Variants in DYRK4 observed in about 807,000 individuals in gnomAD.
DYRK4 encodes dual specificity tyrosine-phosphorylation-regulated kinase 4.
In DYRK4, 64 loss-of-function variants were observed where a neutral mutation model predicts 68.3. The ratio of observed to expected loss-of-function variants is 0.94; its 90% CI spans 0.77 to 1.15. The LOEUF (loss-of-function observed/expected upper bound fraction) is 1.15. DYRK4 is among the 50% of genes most tolerant of loss of function. The pLI is 0.00. For missense variants in DYRK4, 740 were observed against 764.7 expected (o/e 0.97, Z 0.38); for synonymous variants, 274 against 289.9 (o/e 0.95, Z 0.56).
intron 2 of DYRK4, among the ~76,000 whole-genome samples, chr12:4,579,878 A>C (rs868772221): frequency 1.1e-4 from 16 of 151,622 alleles, no homozygotes; most frequent in Non-Finnish European, 5.9e-5. Context: ...GTTTCCTGGC[A>C]GAACACAAAG....
chr12:4,590,220 G>C, intron 3 of DYRK4, 110 bp from the exon 4 acceptor site: 1 of 1,446,082 alleles, frequency 6.9e-7, no homozygotes, highest in South Asian at 1.5e-5. Context: ...CCAGATTGGG[G>C]TTAGGCTCAT....
At chr12:4,612,509 A>C (rs71459914) in intron 13 of DYRK4, 34 bp from the exon 14 acceptor site, 1 of 1,578,298 alleles carries the variant, frequency 6.3e-7, no homozygotes, top group Non-Finnish European at 8.6e-7. Flanking sequence ...AGGAAATAAA[A>C]CAATAACCCA....
In DYRK4 at chr12:4,612,722, C is replaced by T; in HGVS notation, c.1666+4C>T. 1 of 1,614,074 alleles carries T rather than the reference C, an allele frequency of 6.2e-7. No homozygotes were observed. The highest frequency in any genetic ancestry group is 8.5e-7 in the Non-Finnish European group (1 of 1,179,934). ...TGTCATCACTCGAGCAGAAAAGGTA[C>T]AGCCTGTCAAATAACCAGTCCTAGT... On this transcript the variant is annotated splice_donor_region_variant and intron_variant, in intron 14 of 14. Transcript: ENST00000543431.
Position 4,591,945 on chromosome 12 carries a change from G to A in DYRK4, c.463+647G>A, listed in dbSNP as rs1288210498. 1 of 152,216 alleles carries A rather than the reference G, an allele frequency of 6.6e-6. No individual in the cohort carries two copies. Among genetic ancestry groups the A allele is most frequent in the Admixed American group, 6.5e-5 (1 of 15,274 alleles). The allele number at this position is 152,216 out of a possible 1,614,324, so 9.4% of individuals were successfully genotyped here. A position where few individuals can be genotyped will look rare whatever the true frequency, so the allele number is the denominator to read the frequency against. On this transcript the variant is annotated intron_variant, in intron 5 of 14. Coordinates refer to ENST00000543431, the MANE Select transcript of DYRK4 (RefSeq NM_001394779.1). This position sits in a 1 kb window ranked among gnomAD's most constrained non-coding sequence, Gnocchi z 4.1. The stretch of plus-strand genomic sequence containing the variant: ...TGGTCAGGCCTGAAAGATTACACAT[G>A]GGTTTTTGGCCAGTAGCTAGACTTT...
At chr12:4,593,914 G>A (rs142077470) in intron 6 of DYRK4, among the ~76,000 whole-genome samples, 176 of 152,304 alleles carry the variant, frequency 1.2e-3, no homozygotes, top group African/African-American at 4.0e-3. Context: ...TTAGGGCTGT[G>A]TTTGTCTAGC....
In DYRK4 at chr12:4,591,006, A is replaced by G; in HGVS notation, c.325-154A>G. The G allele has an allele frequency of 1.2e-6, 1 of 839,374 alleles. No individual in the cohort carries two copies. The allele number at this position is 839,374 out of a possible 1,614,324, so 52.0% of individuals were successfully genotyped here. A position where few individuals can be genotyped will look rare whatever the true frequency, so the allele number is the denominator to read the frequency against. On this transcript the variant is annotated intron_variant, in intron 4 of 14. Transcript: ENST00000543431. This position sits in a 1 kb window ranked among gnomAD's most constrained non-coding sequence, Gnocchi z 4.1. ...CAGATGCTTCCTTTGGGAGAGAGGT[A>G]GGGAGAACCTTCTGTCTCTTAATCG...
intron 2 of DYRK4, among the ~76,000 whole-genome samples, chr12:4,579,606 AACAT>A (rs1591790593): frequency 6.6e-6 from 1 of 152,234 alleles, no homozygotes; most frequent in East Asian, 1.9e-4. Context: ...CAGAAGAAAT[AACAT>A]ATACAAAAGC....
chr12:4,592,695 G>C, intron 5 of DYRK4: 1 of 245,890 alleles, frequency 4.1e-6, no homozygotes, highest in Non-Finnish European at 7.8e-6. Flanking sequence ...ATATACTATT[G>C]TCGACACTAA....
Position 4,591,396 on chromosome 12 carries a change from C to T in DYRK4, c.463+98C>T. 6.7e-7 allele frequency: 1 copy of T among 1,486,082 alleles called. No individual in the cohort carries two copies. The highest frequency in any genetic ancestry group is 9.0e-7 in the Non-Finnish European group (1 of 1,112,986). The allele number at this position is 1,486,082 out of a possible 1,614,324, so 92.1% of individuals were successfully genotyped here. ...TGGAGTGAGCTAAGCTGCCAGGTGT[C>T]AGAGTAGTCAAAGAAGGCAGCCAGC... On this transcript the variant is annotated intron_variant, in intron 5 of 14. Transcript: ENST00000543431. This position sits in a 1 kb window ranked among gnomAD's most constrained non-coding sequence, Gnocchi z 4.1.
chr12:4,604,824 C>T (rs1301111583), intron 10 of DYRK4, 90 bp from the exon 11 acceptor site: 17 of 1,413,600 alleles, frequency 1.2e-5, no homozygotes, highest in Middle Eastern at 2.0e-4. Context: ...CCAGCGGGGG[C>T]GCAGTCTAAC....
At chr12:4,580,746 T>C in intron 2 of DYRK4, 1 of 445,826 alleles carries the variant, frequency 2.2e-6, no homozygotes, top group South Asian at 1.6e-5. Context: ...TGTGAGCTGA[T>C]ATCACAGAAG....
At chr12:4,575,820 A>ATG (rs1944783668) in intron 2 of DYRK4, among the ~76,000 whole-genome samples, 1 of 152,064 alleles carries the variant, frequency 6.6e-6, no homozygotes, top group Admixed American at 6.5e-5. Context: ...TGTCAGTTGT[A>ATG]TGTGCTGCAA....
chr12:4,567,266 CTT>C (rs1400514725), intron 1 of DYRK4: 1 of 152,166 alleles, frequency 6.6e-6, no homozygotes, highest in Non-Finnish European at 1.5e-5. Context: ...CTGTTCTGCC[CTT>C]GTTTCTTGTA....
At chr12:4,610,000 CTGAG>C (rs1019117813) in intron 12 of DYRK4, 151 bp from the exon 13 acceptor site, 6 of 426,920 alleles carry the variant, frequency 1.4e-5, no homozygotes, top group African/African-American at 1.1e-4. Context: ...TTATTTCAAA[CTGAG>C]TGTGTGTGTG....
intron 6 of DYRK4, among the ~76,000 whole-genome samples, chr12:4,594,758 G>A (rs1224404199): frequency 6.6e-6 from 1 of 150,530 alleles, no homozygotes; most frequent in Non-Finnish European, 1.5e-5. Flanking sequence ...GACAATGTGT[G>A]TTCTCCGTAA....
rs35874260 is a variant in DYRK4, at chr12:4,575,299, C to CTGTG, written c.132+7271_132+7274dup. Among the ~76,000 whole-genome samples the CTGTG allele has an allele frequency of 5.3e-3, 796 of 148,960 alleles. 12 individuals are homozygous for CTGTG. Among genetic ancestry groups the CTGTG allele is most frequent in the African/African-American group, 0.018 (714 of 40,538 alleles). On this transcript the variant is annotated intron_variant, in intron 2 of 14. Transcript: ENST00000543431. The stretch of plus-strand genomic sequence containing the variant: ...TTGCCAATTTACTAACAATAACTTA[C>CTGTG]TGTGTGTGTGTGTGTGTGTGTGTTT...
chr12:4,598,219 A>G (rs1447430689), intron 8 of DYRK4, among the ~76,000 whole-genome samples: 1 of 152,178 alleles, frequency 6.6e-6, no homozygotes, highest in African/African-American at 2.4e-5. Context: ...CTAAAAAAAC[A>G]TTAAGAATGA....
At chr12:4,564,887 TA>T (rs1164365207) in intron 1 of DYRK4, among the ~76,000 whole-genome samples, 1 of 152,136 alleles carries the variant, frequency 6.6e-6, no homozygotes, top group East Asian at 1.9e-4. Context: ...AGACAAAAAA[TA>T]TATGCACCTA....
At chr12:4,593,285 C>A in intron 6 of DYRK4, 120 bp downstream of exon 6, 1 of 1,134,238 alleles carries the variant, frequency 8.8e-7, no homozygotes, top group Non-Finnish European at 1.2e-6. Flanking sequence ...ACTAGATATC[C>A]TGAAGTATTC....
Sources: allele counts gnomAD v4.1 joint callset (sites outside exome capture counted in the v4.1 genomes callset), GRCh38; gene constraint gnomAD v4.1.1; non-coding constraint Gnocchi (gnomAD v3.1); transcripts MANE v1.5; gene names NCBI Gene and HGNC (gene_info 2026-07-23, HGNC 2026-07-21).